Variants in SACM1L observed in about 807,000 individuals in gnomAD.
SACM1L encodes the protein SAC1 like phosphatidylinositide phosphatase.
Under a neutral mutation model 89.5 loss-of-function variants are expected in SACM1L, and 32 were observed. The observed-to-expected ratio is 0.36, with a 90% CI of 0.27 to 0.48. SACM1L has a LOEUF of 0.48. Ranked by LOEUF, SACM1L falls within the 20% of genes least tolerant of loss-of-function variation. The pLI is 0.99. For synonymous variants in SACM1L, 213 were observed against 232.8 expected (o/e 0.92, Z 0.77); for missense variants, 543 against 708.5 (o/e 0.77, Z 2.65).
Position 45,689,436 on chromosome 3 carries a change from G to A in SACM1L, c.-30G>A. The A allele has an allele frequency of 6.4e-7, 1 of 1,555,758 alleles. No homozygotes were observed. The highest frequency in any genetic ancestry group is 8.7e-7 in the Non-Finnish European group (1 of 1,150,326). On this transcript the variant is annotated 5_prime_UTR_variant, in exon 1 of 20. Transcript: ENST00000389061. The stretch of plus-strand genomic sequence containing the variant: ...GTGGCGGCGCGGGGCGGGGCGGGCG[G>A]AGAGAGAAGGAAGGAGGTGGTTGTG...
At position 45,732,071 on chromosome 3, in the gene SACM1L, C is replaced by T. The variant is rs780299956; in HGVS notation, c.1020C>T (p.Phe340=). ...TTGGTAGATACATTGCCTTTGACTT[C>T]CATAAGGAATGTAAAAATATGAGAT... The part of the protein sequence containing the change: ...SGMMRYIAFD[F]HKECKNMRWD... Residue 340 remains phenylalanine, a synonymous_variant, in exon 13 of 20, where the codon TTC becomes TTT. Coordinates refer to ENST00000389061, the MANE Select transcript of SACM1L (RefSeq NM_014016.5). 1.3e-6 allele frequency: 2 copies of T among 1,592,310 alleles called. No individual in the cohort carries two copies. The highest frequency in any genetic ancestry group is 2.3e-5 in the South Asian group (2 of 87,104).
intron 1 of SACM1L, among the ~76,000 whole-genome samples, chr3:45,700,310 C>T (rs1326220275): frequency 6.6e-6 from 1 of 152,210 alleles, no homozygotes; most frequent in East Asian, 1.9e-4. Context: ...CCCCAAAATA[C>T]AGCTGTGAAC....
intron 1 of SACM1L, chr3:45,689,785 G>A (rs1180462627): frequency 5.3e-6 from 3 of 571,322 alleles, no homozygotes; most frequent in Non-Finnish European, 9.4e-6. Context: ...GCGTTATGAT[G>A]CGGCCCTTCA....
chr3:45,730,736 A>G (rs62242234), intron 11 of SACM1L: 37,068 of 152,162 alleles, frequency 0.24, 5,929 homozygotes, highest in Middle Eastern at 0.41. Context: ...TCCTAAGAAT[A>G]TCACCAAGCT....
rs1699374910 is a variant in SACM1L at position 45,744,048 on chromosome 3, A to G, written c.*379A>G. The G allele has an allele frequency of 6.3e-6, 1 of 159,372 alleles. No individual in the cohort carries two copies. Among genetic ancestry groups the G allele is most frequent in the Non-Finnish European group, 1.4e-5 (1 of 72,716 alleles). The allele number at this position is 159,372 out of a possible 1,614,324, so 9.9% of individuals were successfully genotyped here. A position where few individuals can be genotyped will look rare whatever the true frequency, so the allele number is the denominator to read the frequency against. ...TTTAAAACAGCAAAATTATTTTTGT[A>G]GCTCAGTTTCATTATTGTCATTGTA... On this transcript the variant is annotated 3_prime_UTR_variant, in exon 20 of 20. Coordinates refer to ENST00000389061, the MANE Select transcript of SACM1L (RefSeq NM_014016.5).
At chr3:45,735,998 C>G (rs1379183499) in intron 14 of SACM1L, among the ~76,000 whole-genome samples, 1 of 152,116 alleles carries the variant, frequency 6.6e-6, no homozygotes, top group Non-Finnish European at 1.5e-5. Context: ...TCCCACAAAG[C>G]TGGGGCTACA....
intron 18 of SACM1L, 58 bp downstream of exon 18, chr3:45,738,931 A>G (rs1575413224): frequency 9.8e-7 from 1 of 1,015,532 alleles, no homozygotes; most frequent in South Asian, 1.4e-5. Context: ...GAAGGTATAG[A>G]TGGTTTCAGT....
chr3:45,738,137 A>C (rs1443446541), intron 16 of SACM1L, among the ~76,000 whole-genome samples: 1 of 152,180 alleles, frequency 6.6e-6, no homozygotes, highest in Admixed American at 6.5e-5. Context: ...ATGTGCTCTA[A>C]AAAGCACCCA....
At chr3:45,728,422 A>G (rs937481142) in intron 11 of SACM1L, among the ~76,000 whole-genome samples, 1 of 151,278 alleles carries the variant, frequency 6.6e-6, no homozygotes, top group Non-Finnish European at 1.5e-5. Flanking sequence ...ATATATTTTG[A>G]TTACCTTCTC....
At chr3:45,700,979 C>G (rs1698253991) in intron 1 of SACM1L, among the ~76,000 whole-genome samples, 1 of 152,206 alleles carries the variant, frequency 6.6e-6, no homozygotes. Context: ...GCCTCTATCT[C>G]TTTTTAATGG....
At chr3:45,714,117 C>A (rs200961807) in intron 7 of SACM1L, 38 bp downstream of exon 7, 180 of 1,368,670 alleles carry the variant, frequency 1.3e-4, no homozygotes, top group Admixed American at 2.3e-4. Flanking sequence ...TTTCTAGATG[C>A]CTTTATTTAA....
intron 1 of SACM1L, among the ~76,000 whole-genome samples, chr3:45,699,539 T>G (rs1273796144): frequency 1.3e-5 from 2 of 152,076 alleles, no homozygotes; most frequent in Non-Finnish European, 2.9e-5. Flanking sequence ...TTGCTTGACG[T>G]TTTTTTGAGA....
At chr3:45,734,438 TA>T (rs1699152680) in intron 13 of SACM1L, among the ~76,000 whole-genome samples, 1 of 151,190 alleles carries the variant, frequency 6.6e-6, no homozygotes, top group Non-Finnish European at 1.5e-5. Context: ...AGAAAAAAAA[TA>T]TTTTTAAGTA....
rs990923268 is a variant in SACM1L at position 45,729,167 on chromosome 3, A to G, written c.922-2134A>G. Among the ~76,000 whole-genome samples the G allele has an allele frequency of 2.0e-5, 3 of 151,942 alleles. No individual in the cohort carries two copies. The East Asian group carries it at 5.8e-4, about 29-fold the overall frequency. On this transcript the variant is annotated intron_variant, in intron 11 of 19. Transcript: ENST00000389061. ...AGTGGCACAATCTCGGCTCACTGCAACCTCTGCCTCCTGGGTTCAAGCGAT... is the reference window on the plus strand; with the variant it reads ...AGTGGCACAATCTCGGCTCACTGCAGCCTCTGCCTCCTGGGTTCAAGCGAT...
At chr3:45,696,039 C>T (rs555766222) in intron 1 of SACM1L, among the ~76,000 whole-genome samples, 312 of 149,228 alleles carry the variant, frequency 2.1e-3, no homozygotes, top group African/African-American at 7.1e-3. Context: ...GCTCTGTTGC[C>T]TATGCTGGAG....
rs562943506 is a variant in SACM1L, at chr3:45,710,535, A to G, written c.483+888A>G. ...TTTTTTTTTAATATACAGTGAATATATCTTTAAAATTAGGTTTCATATGAT... is the reference window on the plus strand; with the variant it reads ...TTTTTTTTTAATATACAGTGAATATGTCTTTAAAATTAGGTTTCATATGAT... On this transcript the variant is annotated intron_variant, in intron 5 of 19. Coordinates refer to ENST00000389061, the MANE Select transcript of SACM1L (RefSeq NM_014016.5). 2.1e-3 allele frequency among the ~76,000 whole-genome samples: 291 copies of G among 140,432 alleles called. 1 individual carries two copies. The highest frequency in any genetic ancestry group is 6.7e-3 in the African/African-American group (251 of 37,260). The allele number at this position is 140,432 out of a possible 152,430, so 92.1% of individuals were successfully genotyped here.
intron 7 of SACM1L, among the ~76,000 whole-genome samples, chr3:45,717,871 G>T (rs189431724): frequency 1.3e-4 from 20 of 152,320 alleles, no homozygotes; most frequent in Admixed American, 1.2e-3. Context: ...AGCCATGATG[G>T]TGCCACTGCA....
At chr3:45,719,364 T>C in intron 7 of SACM1L, 136 bp from the exon 8 acceptor site, 1 of 509,430 alleles carries the variant, frequency 2.0e-6, no homozygotes, top group Middle Eastern at 5.4e-4. Context: ...TAAGGGCTTG[T>C]GAATATTCAT....
chr3:45,742,778 C>G (rs544944641), intron 19 of SACM1L: 1 of 152,154 alleles, frequency 6.6e-6, no homozygotes, highest in African/African-American at 2.4e-5. Flanking sequence ...TTATGCTGAT[C>G]GGATGTCCGC....
Sources: allele counts gnomAD v4.1 joint callset (sites outside exome capture counted in the v4.1 genomes callset), GRCh38; gene constraint gnomAD v4.1.1; transcripts MANE v1.5; gene names NCBI Gene and HGNC (gene_info 2026-07-23, HGNC 2026-07-21).